LHX6: variants seen among roughly 807,000 people sequenced by gnomAD.
LHX6 encodes the protein LIM homeobox 6.
LHX6 carries 15 observed loss-of-function variants against 47.1 expected under a neutral mutation model. The ratio of observed to expected loss-of-function variants is 0.32; its 90% CI spans 0.21 to 0.49. The LOEUF is 0.49. LHX6 is among the 20% of genes least tolerant of loss of function. The pLI is 0.99. For missense variants in LHX6, 404 were observed against 539.6 expected (o/e 0.75, Z 2.49); for synonymous variants, 242 against 233.5 (o/e 1.04, Z -0.33).
intron 8 of LHX6, among the ~76,000 whole-genome samples, chr9:122,212,943 C>G (rs552643910): frequency 6.6e-6 from 1 of 152,118 alleles, no homozygotes. Flanking sequence ...ATTGACATCC[C>G]AGGTTACAGA....
chr9:122,226,678 A>G lies in LHX6; in HGVS notation c.339+170T>C. The G allele has an allele frequency of 8.1e-7, 1 of 1,230,912 alleles. No individual in the cohort carries two copies. The highest frequency in any genetic ancestry group is 1.1e-6 in the Non-Finnish European group (1 of 908,896). The allele number at this position is 1,230,912 out of a possible 1,614,324, so 76.2% of individuals were successfully genotyped here. A position where few individuals can be genotyped will look rare whatever the true frequency, so the allele number is the denominator to read the frequency against. On this transcript the variant is annotated intron_variant, in intron 3 of 9. Transcript: ENST00000394319. This position sits in a 1 kb window ranked among gnomAD's most constrained non-coding sequence, Gnocchi z 6.5. Reference sequence around the variant, plus strand: ...TGGAAATAAACTCTTCTTATTTTTCAGACGGAACCCGGGGGCTCAGGCAGA... The same window carrying G: ...TGGAAATAAACTCTTCTTATTTTTCGGACGGAACCCGGGGGCTCAGGCAGA...
Position 122,226,707 on chromosome 9 carries a change from TA to T in LHX6, c.339+140del. On this transcript the variant is annotated intron_variant, in intron 3 of 9. Coordinates refer to ENST00000394319, the MANE Select transcript of LHX6 (RefSeq NM_014368.5). The surrounding 1 kb of genome is among the most constrained non-coding windows in gnomAD (Gnocchi z 6.5). ...GGAACCCGGGGGCTCAGGCAGACCC[TA>T]AGTCTTGCCCAAAGCTTCGCAGTCG... The T allele has an allele frequency of 8.1e-7, 1 of 1,239,390 alleles. No homozygotes were observed. The highest frequency in any genetic ancestry group is 1.1e-6 in the Non-Finnish European group (1 of 911,708). The allele number at this position is 1,239,390 out of a possible 1,614,324, so 76.8% of individuals were successfully genotyped here. A position where few individuals can be genotyped will look rare whatever the true frequency, so the allele number is the denominator to read the frequency against.
At position 122,226,795 on chromosome 9, in the gene LHX6, G is replaced by A; in HGVS notation, c.339+53C>T. 1.3e-6 allele frequency: 2 copies of A among 1,526,692 alleles called. No individual in the cohort carries two copies. The highest frequency in any genetic ancestry group is 1.8e-6 in the Non-Finnish European group (2 of 1,131,764). 94.6% of individuals were successfully genotyped at this position (1,526,692 alleles called of 1,614,324 possible). A position where few individuals can be genotyped will look rare whatever the true frequency, so the allele number is the denominator to read the frequency against. On this transcript the variant is annotated intron_variant, in intron 3 of 9. Transcript: ENST00000394319. This position sits in a 1 kb window ranked among gnomAD's most constrained non-coding sequence, Gnocchi z 6.5. ...CTGCGGTGCTTCCCTGCAGTCTCCT[G>A]CGCTGCGTCCCACGCCCCGACAACA...
chr9:122,221,423 G>A (rs996883678), intron 4 of LHX6: 3 of 985,444 alleles, frequency 3.0e-6, no homozygotes, highest in Non-Finnish European at 2.4e-6. Flanking sequence ...CTCGCTTTGC[G>A]GGAGGGGGTA....
rs191973859 is a variant in LHX6, at chr9:122,217,931, G to A, written c.462-643C>T. On this transcript the variant is annotated intron_variant, in intron 4 of 9. Coordinates refer to ENST00000394319, the MANE Select transcript of LHX6 (RefSeq NM_014368.5). The surrounding 1 kb of genome is among the most constrained non-coding windows in gnomAD (Gnocchi z 4.9). ...CACTGAACTAGATGACAACAGCAATGACTACTACTGTTTGTTTAGTGCTTT... is the reference window on the plus strand; with the variant it reads ...CACTGAACTAGATGACAACAGCAATAACTACTACTGTTTGTTTAGTGCTTT... Among the ~76,000 whole-genome samples, 2 of 152,352 alleles carry A rather than the reference G, an allele frequency of 1.3e-5. No homozygotes were observed. Among genetic ancestry groups the A allele is most frequent in the Admixed American group, 6.5e-5 (1 of 15,304 alleles).
In LHX6 at chr9:122,214,079, G is replaced by T; in HGVS notation, c.784-10C>A. On this transcript the variant is annotated splice_polypyrimidine_tract_variant and intron_variant, in intron 6 of 9. Coordinates refer to ENST00000394319, the MANE Select transcript of LHX6 (RefSeq NM_014368.5). This position sits in a 1 kb window ranked among gnomAD's most constrained non-coding sequence, Gnocchi z 4.6. ...ACTGCGCCTGCATAACCTGCGGGGC[G>T]GGGAGGGCGGTGAGGCGCTCGCACG... 1 of 1,597,444 alleles carries T rather than the reference G, an allele frequency of 6.3e-7. No individual in the cohort carries two copies. The highest frequency in any genetic ancestry group is 2.2e-5 in the East Asian group (1 of 44,792).
chr9:122,215,697 G>A (rs1243794693), intron 5 of LHX6, among the ~76,000 whole-genome samples: 1 of 152,210 alleles, frequency 6.6e-6, no homozygotes, highest in East Asian at 1.9e-4. Context: ...TAAGCAGGCA[G>A]CAAGTGAAAC....
At chr9:122,216,769 C>A (rs560809603) in intron 5 of LHX6, among the ~76,000 whole-genome samples, 1 of 152,296 alleles carries the variant, frequency 6.6e-6, no homozygotes, top group African/African-American at 2.4e-5. Flanking sequence ...TCACTGAGTG[C>A]CTCCTGGCTT....
chr9:122,213,285 G>C lies in LHX6; in HGVS notation c.1054+321C>G, dbSNP rs1022802081. Among the ~76,000 whole-genome samples, 4 of 152,130 alleles carry C rather than the reference G, an allele frequency of 2.6e-5. No homozygotes were observed. The highest frequency in any genetic ancestry group is 4.4e-5 in the Non-Finnish European group (3 of 68,018). On this transcript the variant is annotated intron_variant, in intron 8 of 9. Transcript: ENST00000394319. The surrounding 1 kb of genome is among the most constrained non-coding windows in gnomAD (Gnocchi z 5.5). ...ATTTTTCCATGCCCACCAGAACGCAGGCTCCACAGAGTAGGTACCTTGTCC... is the reference window on the plus strand; with the variant it reads ...ATTTTTCCATGCCCACCAGAACGCACGCTCCACAGAGTAGGTACCTTGTCC...
chr9:122,207,576 T>C (rs1291707536), intron 9 of LHX6, among the ~76,000 whole-genome samples: 1 of 152,168 alleles, frequency 6.6e-6, no homozygotes, highest in East Asian at 1.9e-4. Flanking sequence ...TCAGCGGCGA[T>C]GGTGTTCCTG....
chr9:122,220,154 C>T (rs1427698604), intron 4 of LHX6, among the ~76,000 whole-genome samples: 1 of 152,228 alleles, frequency 6.6e-6, no homozygotes, highest in African/African-American at 2.4e-5. Flanking sequence ...GTCCGTTCTG[C>T]GCCTACACAG....
chr9:122,226,427 T>C lies in LHX6; in HGVS notation c.410A>G (p.Asn137Ser), dbSNP rs889378022. ...SVCRTSLRQQ[N>S]SCYIKNKEIF... ...CTCCTTGTTCTTGATGTAGCAGCTG[T>C]TCTGCTGCCTCAGCGACGTGCGACA... Residue 137 changes from asparagine to serine, a missense_variant, in exon 4 of 10, where the codon AAC becomes AGC. Transcript: ENST00000394319. The surrounding 1 kb of genome is among the most constrained non-coding windows in gnomAD (Gnocchi z 6.5). The C allele has an allele frequency of 1.2e-6, 2 of 1,613,596 alleles. No homozygotes were observed. Among genetic ancestry groups the C allele is most frequent in the African/African-American group, 2.7e-5 (2 of 74,932 alleles).
chr9:122,228,709 G>A lies in LHX6; in HGVS notation c.32C>T (p.Ala11Val). 1 of 1,290,084 alleles carries A rather than the reference G, an allele frequency of 7.8e-7. No homozygotes were observed. Among genetic ancestry groups the A allele is most frequent in the Non-Finnish European group, 9.8e-7 (1 of 1,018,072 alleles). The allele number at this position is 1,290,084 out of a possible 1,614,324, so 79.9% of individuals were successfully genotyped here. A position where few individuals can be genotyped will look rare whatever the true frequency, so the allele number is the denominator to read the frequency against. The change falls in exon 1 of 10, where the codon GCG (alanine) becomes GTG (valine). Residue 11 changes from alanine (A) to valine (V), a missense_variant. Around this residue, in one of 7 missense-constraint regions of LHX6, gnomAD observed 144 missense variants for 128.7 expected, o/e 1.12. Coordinates refer to ENST00000394319, the MANE Select transcript of LHX6 (RefSeq NM_014368.5). Reference protein sequence around the residue: MYWKHENAAPALPEGCRLPAE... With the variant: MYWKHENAAPVLPEGCRLPAE... ...CGGCAGCCGGCAGCCCTCGGGCAAC[G>A]CCGGGGCGGCGTTCTCATGCTTCCA...
chr9:122,207,302 C>T (rs765877227), intron 9 of LHX6, among the ~76,000 whole-genome samples: 28 of 152,118 alleles, frequency 1.8e-4, no homozygotes, highest in Admixed American at 4.6e-4. Context: ...AGGATGAGGT[C>T]GGAGAGAGGG....
chr9:122,209,506 G>A (rs948664037), intron 9 of LHX6, 108 bp downstream of exon 9: 2 of 1,527,024 alleles, frequency 1.3e-6, no homozygotes, highest in African/African-American at 1.4e-5. Context: ...GGCAGACAGG[G>A]TCTGCCACAG....
chr9:122,202,888 G>A lies in LHX6; in HGVS notation c.*1872C>T, dbSNP rs773741616. On this transcript the variant is annotated 3_prime_UTR_variant, in exon 10 of 10. Transcript: ENST00000394319. ...AGAGGCTCAAGGCAGAGTGTGTTGG[G>A]TGACCCTGGGTAGGGCTTGGTTGGC... is the stretch of plus-strand genomic sequence containing the variant. The A allele has an allele frequency of 2.0e-5, 3 of 152,576 alleles. No homozygotes were observed. The highest frequency in any genetic ancestry group is 4.4e-5 in the Non-Finnish European group (3 of 68,054). The allele number at this position is 152,576 out of a possible 1,614,324, so 9.5% of individuals were successfully genotyped here. A position where few individuals can be genotyped will look rare whatever the true frequency, so the allele number is the denominator to read the frequency against.
At chr9:122,224,320 C>A (rs536954893) in intron 4 of LHX6, among the ~76,000 whole-genome samples, 1 of 152,118 alleles carries the variant, frequency 6.6e-6, no homozygotes, top group Non-Finnish European at 1.5e-5. Context: ...CCACCACACC[C>A]GGCCCATCTG....
rs1464492837 is a variant in LHX6 at position 122,214,025 on chromosome 9, C to A, written c.828G>T (p.Gln276His). Residue 276 changes from glutamine (Q) to histidine (H), a missense_variant, in exon 7 of 10, where the codon CAG (glutamine) becomes CAT (histidine). Gln to His is a conservative substitution (Grantham distance 24). Coordinates refer to ENST00000394319, the MANE Select transcript of LHX6 (RefSeq NM_014368.5). This position sits in a 1 kb window ranked among gnomAD's most constrained non-coding sequence, Gnocchi z 4.6. ...TCATGTCCGCCAGCTTCTGCAGCGT[C>A]TGAGCGTCGGGGTTGTTGTCCTGCG... Reference protein sequence around the residue: ...QFAQDNNPDAQTLQKLADMTG... With the variant: ...QFAQDNNPDAHTLQKLADMTG... 6.2e-7 allele frequency: 1 copy of A among 1,601,044 alleles called. No homozygotes were observed. The highest frequency in any genetic ancestry group is 1.3e-5 in the African/African-American group (1 of 74,718).
In LHX6 at chr9:122,213,898, C is replaced by T. The variant is rs763057914; in HGVS notation, c.879+76G>A. On this transcript the variant is annotated intron_variant, in intron 7 of 9. Coordinates refer to ENST00000394319, the MANE Select transcript of LHX6 (RefSeq NM_014368.5). The surrounding 1 kb of genome is among the most constrained non-coding windows in gnomAD (Gnocchi z 5.5). ...GAGAAGGATGGCCACGTGCACGCAC[C>T]ACCCTCCGCGCCGAGCCCAGCTACG... 481 of 1,522,628 alleles carry T rather than the reference C, an allele frequency of 3.2e-4. 1 individual carries two copies. Among genetic ancestry groups the T allele is most frequent in the Non-Finnish European group, 6.3e-5 (71 of 1,123,192 alleles). 94.3% of individuals were successfully genotyped at this position (1,522,628 alleles called of 1,614,324 possible). A position where few individuals can be genotyped will look rare whatever the true frequency, so the allele number is the denominator to read the frequency against.
Sources: allele counts gnomAD v4.1 joint callset (sites outside exome capture counted in the v4.1 genomes callset), GRCh38; gene constraint gnomAD v4.1.1; regional missense constraint gnomAD v4.1.1; non-coding constraint Gnocchi (gnomAD v3.1); transcripts MANE v1.5; gene names NCBI Gene and HGNC (gene_info 2026-07-23, HGNC 2026-07-21).